RB1CC1: variants seen among roughly 807,000 people sequenced by gnomAD.
The protein encoded by RB1CC1 is RB1 inducible coiled-coil 1.
In RB1CC1, 46 loss-of-function variants were observed where a neutral mutation model predicts 177.5. The observed-to-expected ratio is 0.26, with a 90% CI of 0.20 to 0.33. The LOEUF is 0.33. Ranked by LOEUF, RB1CC1 falls within the 10% of genes least tolerant of loss-of-function variation. The probability of loss-of-function intolerance (pLI) is 1.00; values close to 1 mark genes in which losing one functional copy is unlikely to be tolerated. For missense variants in RB1CC1, 1,703 were observed against 1,816.3 expected (o/e 0.94, Z 1.13); for synonymous variants, 666 against 613.6 (o/e 1.09, Z -1.26).
At chr8:52,681,002 T>G (rs1415486474) in intron 5 of RB1CC1, among the ~76,000 whole-genome samples, 11 of 144,384 alleles carry the variant, frequency 7.6e-5, no homozygotes, top group African/African-American at 2.5e-4. Context: ...GTGTTTTTTT[T>G]TTTTTTTGAG....
At chr8:52,673,403 G>A (rs886613187) in intron 7 of RB1CC1, among the ~76,000 whole-genome samples, 2 of 152,106 alleles carry the variant, frequency 1.3e-5, no homozygotes, top group East Asian at 3.9e-4. Flanking sequence ...CAGTGTCTAC[G>A]TTTCGAATTT....
chr8:52,655,125 A>G (rs1284796875), intron 15 of RB1CC1, among the ~76,000 whole-genome samples: 6 of 152,080 alleles, frequency 3.9e-5, no homozygotes, highest in Admixed American at 3.3e-4. Flanking sequence ...TAATTCCTCT[A>G]TTAAACCCTC....
Position 52,689,046 on chromosome 8 carries a change from C to T in RB1CC1, c.-166-2079G>A, listed in dbSNP as rs892830591. On this transcript the variant is annotated intron_variant, in intron 1 of 23. Transcript: ENST00000025008. ...TAGAGCTCACTTACTCCCATAGCTG[C>T]TGCTACCACCACTGTTGATTGCTGA... 2.3e-4 allele frequency among the ~76,000 whole-genome samples: 35 copies of T among 152,174 alleles called. 1 individual carries two copies. The highest frequency in any genetic ancestry group is 2.0e-3 in the Admixed American group (30 of 15,278).
At chr8:52,661,446 G>C in intron 9 of RB1CC1, 89 bp downstream of exon 9, 1 of 1,455,048 alleles carries the variant, frequency 6.9e-7, no homozygotes, top group Non-Finnish European at 9.3e-7. Flanking sequence ...TCAATAAAAT[G>C]GTAGGGAAAA....
chr8:52,651,242 T>C (rs1306101204), intron 15 of RB1CC1, among the ~76,000 whole-genome samples: 3 of 152,166 alleles, frequency 2.0e-5, no homozygotes, highest in Admixed American at 2.0e-4. Context: ...GCCTGGAAAG[T>C]AGACTTAAGA....
intron 23 of RB1CC1, 72 bp downstream of exon 23, chr8:52,624,645 A>C: frequency 8.2e-7 from 1 of 1,225,846 alleles, no homozygotes; most frequent in Admixed American, 1.9e-5. Flanking sequence ...AGTGGTAATG[A>C]TTTCTATATA....
At chr8:52,704,523 C>T (rs567271079) in intron 1 of RB1CC1, among the ~76,000 whole-genome samples, 2 of 149,242 alleles carry the variant, frequency 1.3e-5, no homozygotes, top group East Asian at 2.0e-4. Flanking sequence ...TGACAGTTTA[C>T]CCTCACTGAT....
At chr8:52,659,855 G>C (rs533192508) in intron 12 of RB1CC1, among the ~76,000 whole-genome samples, 4 of 152,320 alleles carry the variant, frequency 2.6e-5, no homozygotes, top group South Asian at 2.1e-4. Flanking sequence ...AACTTAGCTG[G>C]ATGTGGTGGC....
chr8:52,658,145 A>G (rs1851244431), intron 13 of RB1CC1, 21 bp from the exon 14 acceptor site: 1 of 1,595,140 alleles, frequency 6.3e-7, no homozygotes, highest in African/African-American at 1.4e-5. Context: ...ATGCAATGCA[A>G]TTAGACTTCT....
At position 52,648,710 on chromosome 8, in the gene RB1CC1, G is replaced by A. The variant is rs575859739; in HGVS notation, c.3822-2843C>T. Among the ~76,000 whole-genome samples the A allele has an allele frequency of 5.3e-5, 8 of 152,238 alleles. No homozygotes were observed. In the South Asian group the frequency reaches 1.7e-3, roughly 32 times the overall value. On this transcript the variant is annotated intron_variant, in intron 15 of 23. Transcript: ENST00000025008. ...TAACTTTTGCAGTTTGAGGTGTGAT[G>A]GCAAAAAGAGAATGAATGGGCTCCT...
chr8:52,694,892 C>T (rs1273410472), intron 1 of RB1CC1, among the ~76,000 whole-genome samples: 1 of 152,186 alleles, frequency 6.6e-6, no homozygotes, highest in Admixed American at 6.5e-5. Context: ...TGCCACCCAT[C>T]ATTTAATTCA....
intron 7 of RB1CC1, among the ~76,000 whole-genome samples, chr8:52,673,287 T>A (rs1464350472): frequency 6.6e-6 from 1 of 152,244 alleles, no homozygotes; most frequent in East Asian, 1.9e-4. Context: ...AGATCAGATA[T>A]GAAGGGGTAT....
At position 52,629,872 on chromosome 8, in the gene RB1CC1, T is replaced by C. The variant is rs143813533; in HGVS notation, c.4499+598A>G. Reference sequence around the variant, plus strand: ...CCTTTCTGGACCAAACCAACTTGTATCTTCAATGTCTCATGTCTCCCTAAA... The same window carrying C: ...CCTTTCTGGACCAAACCAACTTGTACCTTCAATGTCTCATGTCTCCCTAAA... On this transcript the variant is annotated intron_variant, in intron 21 of 23. Coordinates refer to ENST00000025008, the MANE Select transcript of RB1CC1 (RefSeq NM_014781.5). 4.9e-3 allele frequency among the ~76,000 whole-genome samples: 743 copies of C among 152,266 alleles called. 4 individuals carry two copies. The highest frequency in any genetic ancestry group is 7.1e-3 in the Non-Finnish European group (483 of 68,024).
At chr8:52,651,820 CGT>C (rs1269114024) in intron 15 of RB1CC1, among the ~76,000 whole-genome samples, 1 of 152,146 alleles carries the variant, frequency 6.6e-6, no homozygotes, top group East Asian at 1.9e-4. Context: ...TCCGTGAACT[CGT>C]GTTTTCCAAA....
chr8:52,660,047 C>T (rs144241983), intron 12 of RB1CC1, among the ~76,000 whole-genome samples: 38 of 152,234 alleles, frequency 2.5e-4, no homozygotes, highest in South Asian at 1.2e-3. Context: ...GGTAAAAGCC[C>T]CCATATTGCT....
Position 52,674,212 on chromosome 8 carries a change from C to T in RB1CC1, c.635G>A (p.Ser212Asn), listed in dbSNP as rs991758496. 2 of 1,612,472 alleles carry T rather than the reference C, an allele frequency of 1.2e-6. No individual in the cohort carries two copies. The highest frequency in any genetic ancestry group is 2.7e-5 in the African/African-American group (2 of 74,902). ...CAGTCTTCCCAAACATTCTCTGTAA[C>T]TATGTCTGGTTAGGCACTCCAACAG... ...IPLLECLTRH[S>N]YRECLGRLDS... Residue 212 changes from serine (S) to asparagine (N), a missense_variant, in exon 7 of 24, where the codon AGT becomes AAT. Coordinates refer to ENST00000025008, the MANE Select transcript of RB1CC1 (RefSeq NM_014781.5).
intron 1 of RB1CC1, among the ~76,000 whole-genome samples, chr8:52,693,625 T>G (rs529121873): frequency 9.9e-5 from 15 of 151,860 alleles, no homozygotes; most frequent in African/African-American, 3.6e-4. Flanking sequence ...TTGGTGGGAG[T>G]GTAAATTAGT....
chr8:52,676,701 T>G (rs550625535), intron 5 of RB1CC1, 130 bp from the exon 6 acceptor site: 24 of 837,498 alleles, frequency 2.9e-5, no homozygotes, highest in Non-Finnish European at 3.9e-5. Flanking sequence ...TTCAAAGGAC[T>G]GTTTTAGTTT....
At chr8:52,666,510 C>G (rs1591024250) in intron 8 of RB1CC1, among the ~76,000 whole-genome samples, 1 of 142,134 alleles carries the variant, frequency 7.0e-6, no homozygotes, top group East Asian at 2.0e-4. Flanking sequence ...AAGAGCGAAA[C>G]TTCCTCTCAA....
Sources: gnomAD v4.1 joint callset for allele counts (sites outside exome capture counted in the v4.1 genomes callset) on GRCh38, gnomAD v4.1.1 for gene constraint, MANE v1.5 for transcripts, NCBI Gene and HGNC (gene_info 2026-07-23, HGNC 2026-07-21) for gene names.